The following SAMD3 variants were observed in gnomAD, a reference collection of about 807,000 sequenced individuals.
SAMD3 encodes sterile alpha motif domain containing 3, also known as sterile alpha motif domain-containing protein 3.
A neutral mutation model predicts 58.5 loss-of-function variants in SAMD3; 63 were observed. That is an observed-to-expected ratio of 1.08 (90% CI 0.88 to 1.33). SAMD3 has a LOEUF of 1.33. SAMD3 is among the 40% of genes most tolerant of loss of function. The pLI is 0.00. For missense variants in SAMD3, 604 were observed against 608.4 expected (o/e 0.99, Z 0.08); for synonymous variants, 220 against 210.3 (o/e 1.05, Z -0.40).
intron 2 of SAMD3, among the ~76,000 whole-genome samples, chr6:130,292,267 C>CTTTTTTT (rs1554271698): frequency 1.2e-5 from 1 of 83,942 alleles, no homozygotes; most frequent in African/African-American, 3.9e-5. Context: ...TTTTTTCTTT[C>CTTTTTTT]TTTCTTTTTT....
At chr6:130,191,749 T>C (rs979912510) in intron 5 of SAMD3, among the ~76,000 whole-genome samples, 5 of 152,166 alleles carry the variant, frequency 3.3e-5, no homozygotes, top group South Asian at 2.1e-4. Flanking sequence ...AAACAGGTGA[T>C]AGGATTTTAA....
At chr6:130,221,323 T>C (rs1796216617) in intron 1 of SAMD3, among the ~76,000 whole-genome samples, 2 of 152,002 alleles carry the variant, frequency 1.3e-5, no homozygotes, top group African/African-American at 4.8e-5. Flanking sequence ...AAAAATAAAA[T>C]ATTGATAGAT....
chr6:130,303,019 T>C (rs577402702), intron 2 of SAMD3, among the ~76,000 whole-genome samples: 1 of 152,284 alleles, frequency 6.6e-6, no homozygotes, highest in East Asian at 1.9e-4. Context: ...CATTATGCAA[T>C]ACACCCATGT....
At chr6:130,256,648 T>C (rs1215696884) in intron 2 of SAMD3, among the ~76,000 whole-genome samples, 1 of 152,212 alleles carries the variant, frequency 6.6e-6, no homozygotes, top group Admixed American at 6.5e-5. Flanking sequence ...TTTGTCAATA[T>C]GCAGTCCTCT....
chr6:130,200,714 GA>G (rs1477318051), intron 5 of SAMD3, among the ~76,000 whole-genome samples: 1 of 152,258 alleles, frequency 6.6e-6, no homozygotes, highest in Middle Eastern at 3.4e-3. Context: ...AGCTACTGAG[GA>G]ATATAGAAAA....
intron 2 of SAMD3, among the ~76,000 whole-genome samples, chr6:130,253,876 A>G (rs1283762386): frequency 6.6e-6 from 1 of 151,944 alleles, no homozygotes; most frequent in Non-Finnish European, 1.5e-5. Flanking sequence ...GTGTATCTTC[A>G]TTGTTAGGGT....
At chr6:130,175,674 G>A (rs1054904823) in intron 8 of SAMD3, 167 bp downstream of exon 8, 7 of 443,736 alleles carry the variant, frequency 1.6e-5, no homozygotes, top group South Asian at 6.2e-5. Context: ...GAAATATCAC[G>A]CTCATTGTTA....
intron 2 of SAMD3, among the ~76,000 whole-genome samples, chr6:130,250,604 A>G (rs1056429288): frequency 9.9e-5 from 15 of 152,130 alleles, no homozygotes; most frequent in African/African-American, 3.6e-4. Flanking sequence ...CCATTGTTCT[A>G]TCATCTCCCC....
At chr6:130,266,969 T>C (rs541219197) in intron 2 of SAMD3, among the ~76,000 whole-genome samples, 70 of 152,322 alleles carry the variant, frequency 4.6e-4, no homozygotes, top group African/African-American at 1.7e-3. Context: ...GCAAGCTGTT[T>C]TAGAAATCAT....
chr6:130,211,554 C>T (rs1400617510), intron 4 of SAMD3, among the ~76,000 whole-genome samples: 1 of 151,922 alleles, frequency 6.6e-6, no homozygotes, highest in Non-Finnish European at 1.5e-5. Context: ...AAAGTGCTGG[C>T]ATTACAGGCA....
rs1226659582 is a variant in SAMD3 at position 130,295,699 on chromosome 6, T to C, written c.-188+17279A>G. On this transcript the variant is annotated intron_variant, in intron 2 of 13. Coordinates refer to the SAMD3 transcript ENST00000368134. ...TAATCAGTGATCCTTGTCCCCCCTC[T>C]CCCAGACCCAGGTGGGGTAGAAAAT... 2.0e-5 allele frequency among the ~76,000 whole-genome samples: 3 copies of C among 152,110 alleles called. No individual in the cohort carries two copies. In the East Asian group the frequency reaches 5.8e-4, roughly 29 times the overall value.
At chr6:130,281,567 T>A (rs1774982942) in intron 2 of SAMD3, among the ~76,000 whole-genome samples, 1 of 152,066 alleles carries the variant, frequency 6.6e-6, no homozygotes, top group African/African-American at 2.4e-5. Context: ...CTGCTTGAAA[T>A]CCTTCAAGAG....
chr6:130,251,393 T>C (rs1460407142), intron 2 of SAMD3, among the ~76,000 whole-genome samples: 1 of 152,200 alleles, frequency 6.6e-6, no homozygotes, highest in East Asian at 1.9e-4. Context: ...TGAAGTCTAA[T>C]TTATCTAGTT....
intron 9 of SAMD3, among the ~76,000 whole-genome samples, chr6:130,147,620 C>T (rs1229477473): frequency 2.0e-5 from 3 of 152,164 alleles, no homozygotes; most frequent in Admixed American, 2.0e-4. Context: ...GATACAATGC[C>T]CCACTATTCC....
At chr6:130,348,799 C>G (rs534629079) in intron 1 of SAMD3, among the ~76,000 whole-genome samples, 3 of 152,264 alleles carry the variant, frequency 2.0e-5, no homozygotes, top group Admixed American at 6.5e-5. Context: ...CACACCACAC[C>G]TATTCCAAAA....
chr6:130,203,048 CT>C (rs999229001), intron 5 of SAMD3, among the ~76,000 whole-genome samples: 1 of 152,188 alleles, frequency 6.6e-6, no homozygotes, highest in African/African-American at 2.4e-5. Flanking sequence ...TGTCCCAGGC[CT>C]TTTGGGAGGC....
At chr6:130,351,482 A>G (rs1777663057) in intron 1 of SAMD3, among the ~76,000 whole-genome samples, 1 of 152,234 alleles carries the variant, frequency 6.6e-6, no homozygotes, top group Admixed American at 6.5e-5. Context: ...AAAAATGCTC[A>G]TCATCACTGG....
At chr6:130,146,986 A>G (rs139051519) in intron 9 of SAMD3, among the ~76,000 whole-genome samples, 163 of 152,330 alleles carry the variant, frequency 1.1e-3, no homozygotes, top group African/African-American at 3.8e-3. Context: ...AAGAAAAGAA[A>G]GAAAAAGAAA....
chr6:130,283,817 C>G (rs1775067827), intron 2 of SAMD3, among the ~76,000 whole-genome samples: 1 of 152,006 alleles, frequency 6.6e-6, no homozygotes, highest in South Asian at 2.1e-4. Flanking sequence ...AACTAGTAAA[C>G]ATGTGGGTCA....
Sources: allele counts gnomAD v4.1 joint callset (sites outside exome capture counted in the v4.1 genomes callset), GRCh38; gene constraint gnomAD v4.1.1; transcripts MANE v1.5; gene names NCBI Gene and HGNC (gene_info 2026-07-23, HGNC 2026-07-21).